Variants in RBFOX1 observed in about 807,000 individuals in gnomAD.
The protein encoded by RBFOX1 is RNA binding protein fox-1 homolog 1.
Under a neutral mutation model 57.7 loss-of-function variants are expected in RBFOX1, and 8 were observed. The ratio of observed to expected loss-of-function variants is 0.14; its 90% CI spans 0.08 to 0.25. RBFOX1 has a LOEUF of 0.25. RBFOX1 is among the 10% of genes least tolerant of loss of function. RBFOX1 has a pLI of 1.00. For synonymous variants in RBFOX1, 326 were observed against 222.4 expected (o/e 1.47, Z -4.15); for missense variants, 611 against 548.5 (o/e 1.11, Z -1.14).
intron 3 of RBFOX1, among the ~76,000 whole-genome samples, chr16:6,845,063 G>C (rs1045008369): frequency 2.6e-5 from 4 of 152,070 alleles, no homozygotes; most frequent in African/African-American, 9.7e-5. Context: ...TGAGTTCCTT[G>C]TACACTCTGG....
intron 11 of RBFOX1, among the ~76,000 whole-genome samples, chr16:7,640,274 A>G (rs1448990563): frequency 6.6e-6 from 1 of 152,170 alleles, no homozygotes; most frequent in African/African-American, 2.4e-5. Flanking sequence ...TCTCACCCCC[A>G]GTTGTTTAAA....
chr16:6,764,271 C>A (rs533371629), intron 3 of RBFOX1, among the ~76,000 whole-genome samples: 1 of 152,306 alleles, frequency 6.6e-6, no homozygotes, highest in East Asian at 1.9e-4. Context: ...CTGAAGTTCA[C>A]CTCACTTTGC....
intron 3 of RBFOX1, among the ~76,000 whole-genome samples, chr16:7,045,190 C>G (rs1454056352): frequency 6.6e-6 from 1 of 152,094 alleles, no homozygotes; most frequent in African/African-American, 2.4e-5. Context: ...CTCCCACTTC[C>G]AAACAAAGGG....
chr16:6,165,992 A>G (rs1373364365), intron 1 of RBFOX1, among the ~76,000 whole-genome samples: 1 of 152,208 alleles, frequency 6.6e-6, no homozygotes, highest in East Asian at 1.9e-4. Flanking sequence ...TTCTTCTGTG[A>G]GGTGTGTGCC....
downstream of RBFOX1, among the ~76,000 whole-genome samples, chr16:5,603,745 T>TCACA (rs1475564496): frequency 1.3e-5 from 2 of 152,174 alleles, no homozygotes; most frequent in African/African-American, 4.8e-5. Context: ...AACATTGCAG[T>TCACA]CATCTGTGAT....
chr16:6,714,891 C>G (rs150430210), intron 3 of RBFOX1, among the ~76,000 whole-genome samples: 220 of 152,192 alleles, frequency 1.4e-3, no homozygotes, highest in Middle Eastern at 0.01. Context: ...TAGAAGGCAC[C>G]TGGAAATAAG....
intron 3 of RBFOX1, among the ~76,000 whole-genome samples, chr16:5,750,610 C>G (rs141390812): frequency 6.6e-6 from 1 of 152,222 alleles, no homozygotes; most frequent in African/African-American, 2.4e-5. Flanking sequence ...GCAGTTCGAT[C>G]TCAGACGGCT....
At chr16:6,160,829 C>G (rs907893861) in intron 1 of RBFOX1, among the ~76,000 whole-genome samples, 1 of 152,178 alleles carries the variant, frequency 6.6e-6, no homozygotes, top group Admixed American at 6.5e-5. Flanking sequence ...AAGATCAGCT[C>G]TGTTGTCCCA....
At chr16:5,660,951 C>T (rs977794767) in intron 3 of RBFOX1, among the ~76,000 whole-genome samples, 9 of 152,034 alleles carry the variant, frequency 5.9e-5, no homozygotes, top group Admixed American at 5.2e-4. Context: ...GTTAGAGGTC[C>T]CAGAATGGCT....
chr16:6,002,169 G>A (rs1237135859), intron 4 of RBFOX1, among the ~76,000 whole-genome samples: 1 of 151,962 alleles, frequency 6.6e-6, no homozygotes, highest in Non-Finnish European at 1.5e-5. Flanking sequence ...TAGAGACTAG[G>A]TCTTGATATG....
At chr16:6,615,059 C>T (rs1398879001) in intron 2 of RBFOX1, among the ~76,000 whole-genome samples, 1 of 152,194 alleles carries the variant, frequency 6.6e-6, no homozygotes, top group Admixed American at 6.5e-5. Context: ...CCCTGTGCTG[C>T]AGACGAGGGC....
chr16:5,941,314 A>C (rs1488529507), intron 4 of RBFOX1, among the ~76,000 whole-genome samples: 1 of 151,938 alleles, frequency 6.6e-6, no homozygotes, highest in African/African-American at 2.4e-5. Flanking sequence ...ACGTAGTGAG[A>C]TCTTATCTCT....
intron 2 of RBFOX1, among the ~76,000 whole-genome samples, chr16:6,557,048 T>TAC (rs1441553523): frequency 6.6e-5 from 8 of 121,180 alleles, no homozygotes; most frequent in African/African-American, 3.7e-4. Context: ...TATATATACA[T>TAC]ATATATACAT....
intron 3 of RBFOX1, among the ~76,000 whole-genome samples, chr16:6,926,733 A>C (rs1022961529): frequency 1.3e-5 from 2 of 152,204 alleles, no homozygotes; most frequent in South Asian, 2.1e-4. Context: ...GAACTGGTGA[A>C]AGAGAGCACA....
chr16:7,164,436 G>A (rs186231170), intron 4 of RBFOX1, among the ~76,000 whole-genome samples: 6 of 152,276 alleles, frequency 3.9e-5, no homozygotes, highest in Non-Finnish European at 7.4e-5. Flanking sequence ...ACGTCTACAA[G>A]TGTCTTTTTT....
At chr16:6,724,634 C>T (rs572422233) in intron 3 of RBFOX1, among the ~76,000 whole-genome samples, 2 of 152,278 alleles carry the variant, frequency 1.3e-5, no homozygotes, top group South Asian at 2.1e-4. Context: ...GCCACCCAGT[C>T]TGTGGAATTT....
At chr16:6,168,132 TC>T (rs1273586825) in intron 1 of RBFOX1, among the ~76,000 whole-genome samples, 1 of 152,180 alleles carries the variant, frequency 6.6e-6, no homozygotes, top group African/African-American at 2.4e-5. Context: ...TAATTCGTTT[TC>T]CCTCAGTGCT....
At chr16:5,741,566 A>T (rs537392633) in intron 3 of RBFOX1, among the ~76,000 whole-genome samples, 1 of 152,198 alleles carries the variant, frequency 6.6e-6, no homozygotes. Context: ...ATTAAAGGAG[A>T]TGTAAAAACA....
chr16:6,037,263 C>T (rs902917672), intron 1 of RBFOX1: 3 of 152,110 alleles, frequency 2.0e-5, no homozygotes, highest in African/African-American at 2.4e-5. Flanking sequence ...AATTGAGTCC[C>T]GCTTAACAAC....
Sources: gnomAD v4.1 joint callset for allele counts (sites outside exome capture counted in the v4.1 genomes callset) on GRCh38, gnomAD v4.1.1 for gene constraint, MANE v1.5 for transcripts, NCBI Gene and HGNC (gene_info 2026-07-23, HGNC 2026-07-21) for gene names.